RASSF7: variants seen among roughly 807,000 people sequenced by gnomAD.
RASSF7 encodes ras association domain-containing protein 7.
RASSF7 carries 41 observed loss-of-function variants against 33.8 expected under a neutral mutation model. The ratio of observed to expected loss-of-function variants is 1.21; its 90% CI spans 0.95 to 1.57. The LOEUF (loss-of-function observed/expected upper bound fraction) is 1.57. Among genes scored for constraint, RASSF7 ranks in the 40% most tolerant of loss-of-function variants. The pLI, the probability that RASSF7 is intolerant of heterozygous loss-of-function variation, is 0.00. For synonymous variants in RASSF7, 298 were observed against 212.8 expected, an observed-to-expected ratio of 1.40 and a Z score of -3.48; for missense variants, 622 against 497.0, an observed-to-expected ratio of 1.25 and a Z score of -2.39.
rs1267246371 is a variant in RASSF7 at position 562,515 on chromosome 11, AGAGG to A, written c.564_567del (p.Glu188AspfsTer8). On this transcript the variant is annotated frameshift_variant, in exon 3 of 6. Coordinates refer to ENST00000397583, the MANE Select transcript of RASSF7 (RefSeq NM_003475.4). LOFTEE classifies it high-confidence loss of function. ...TGCGCCGGGAGCAGGCCCGGGAGCG[AGAGG>A]GACAGGCACGCCTGCAGGCACTAAG... 6.5e-7 allele frequency: 1 copy of A among 1,549,460 alleles called. No homozygotes were observed. Among genetic ancestry groups the A allele is most frequent in the South Asian group, 1.2e-5 (1 of 84,056 alleles).
In RASSF7 at chr11:562,844, G is replaced by A. The variant is rs533702049; in HGVS notation, c.822+68G>A. The A allele has an allele frequency of 1.3e-4, 164 of 1,289,488 alleles. 3 individuals are homozygous for A. In the South Asian group the frequency reaches 2.3e-3, roughly 18 times the overall value. The allele number at this position is 1,289,488 out of a possible 1,614,324, so 79.9% of individuals were successfully genotyped here. Reference sequence around the variant, plus strand: ...ATATGGGCAGATACGGGGATCACAGGGTCCCACTCGGGAGGCAGGTGAGCC... The same window carrying A: ...ATATGGGCAGATACGGGGATCACAGAGTCCCACTCGGGAGGCAGGTGAGCC... On this transcript the variant is annotated intron_variant, in intron 3 of 5. Transcript: ENST00000397583.
In RASSF7 at chr11:561,344, G is replaced by T; in HGVS notation, c.-141G>T. Reference sequence around the variant, plus strand: ...AGTCTGCTCCATCTGCAGGGTCGAGGTCTGGGTTGCGACCCCGAGCGCCTC... The same window carrying T: ...AGTCTGCTCCATCTGCAGGGTCGAGTTCTGGGTTGCGACCCCGAGCGCCTC... On this transcript the variant is annotated 5_prime_UTR_variant, in exon 1 of 6. Transcript: ENST00000397583. 4 of 1,020,488 alleles carry T rather than the reference G, an allele frequency of 3.9e-6. No homozygotes were observed. Among genetic ancestry groups the T allele is most frequent in the Non-Finnish European group, 4.7e-6 (4 of 853,384 alleles). The allele number at this position is 1,020,488 out of a possible 1,614,324, so 63.2% of individuals were successfully genotyped here.
In RASSF7 at chr11:561,875, C is replaced by G. The variant is rs376525434; in HGVS notation, c.107C>G (p.Ala36Gly). The G allele has an allele frequency of 6.2e-6, 10 of 1,613,442 alleles. No individual in the cohort carries two copies. Among genetic ancestry groups the G allele is most frequent in the Non-Finnish European group, 6.8e-6 (8 of 1,179,988 alleles). Residue 36 changes from alanine (A) to glycine (G), a missense_variant, in exon 2 of 6, where the codon GCA becomes GGA. By Grantham distance (60) the Ala-to-Gly change is moderately conservative (BLOSUM62 0). Coordinates refer to ENST00000397583, the MANE Select transcript of RASSF7 (RefSeq NM_003475.4). ...ACCACCTGCCAGGAAGTGGTCATCG[C>G]ACTAGCCCAAGCAATAGGTGAGTCC... ...EQTTCQEVVI[A>G]LAQAIGQTGR...
chr11:562,225 C>G lies in RASSF7; in HGVS notation c.271C>G (p.Leu91Val). 1 of 1,611,422 alleles carries G rather than the reference C, an allele frequency of 6.2e-7. No individual in the cohort carries two copies. The highest frequency in any genetic ancestry group is 1.7e-5 in the Admixed American group (1 of 59,760). Reference protein sequence around the residue: ...QFVLRRTGPSLAGRPSSDSCP... With the variant: ...QFVLRRTGPSVAGRPSSDSCP... ...TGTCCTGAGGCGCACAGGGCCCAGCCTAGCTGGGAGGCCCTCCTCAGACAG... is the reference window on the plus strand; with the variant it reads ...TGTCCTGAGGCGCACAGGGCCCAGCGTAGCTGGGAGGCCCTCCTCAGACAG... The change falls in exon 3 of 6, where the codon CTA becomes GTA. Residue 91 changes from leucine (L) to valine (V), a missense_variant. By Grantham distance (32) the Leu-to-Val change is conservative. Coordinates refer to ENST00000397583, the MANE Select transcript of RASSF7 (RefSeq NM_003475.4).
At position 560,992 on chromosome 11, in the gene RASSF7, G is replaced by C; in HGVS notation, c.-493G>C. ...GCCGCGGCGCTGGGGGCGGCAGGTT[G>C]CGGCGGCGCCGGAGCGGGTCTCCAG... On this transcript the variant is annotated 5_prime_UTR_variant, in exon 1 of 6. Transcript: ENST00000397583. The C allele has an allele frequency of 9.5e-7, 1 of 1,057,520 alleles. No individual in the cohort carries two copies. The highest frequency in any genetic ancestry group is 6.8e-5 in the East Asian group (1 of 14,630). 65.5% of individuals were successfully genotyped at this position (1,057,520 alleles called of 1,614,324 possible). A position where few individuals can be genotyped will look rare whatever the true frequency, so the allele number is the denominator to read the frequency against.
At position 563,805 on chromosome 11, in the gene RASSF7, C is replaced by A. The variant is rs573424072; in HGVS notation, c.*160C>A. ...CCTAGTCCTTGCCAGGTCGCCAGCA[C>A]CCTGGAGAAGCATGGGGCGTAGCCA... On this transcript the variant is annotated 3_prime_UTR_variant, in exon 6 of 6. Transcript: ENST00000397583. The A allele has an allele frequency of 1.1e-4, 76 of 686,882 alleles. No individual in the cohort carries two copies. The highest frequency in any genetic ancestry group is 1.7e-4 in the Non-Finnish European group (72 of 416,270). The allele number at this position is 686,882 out of a possible 1,614,324, so 42.5% of individuals were successfully genotyped here.
At position 562,449 on chromosome 11, in the gene RASSF7, T is replaced by A. The variant is rs990988322; in HGVS notation, c.495T>A (p.Asn165Lys). The A allele has an allele frequency of 9.7e-6, 15 of 1,551,220 alleles. No homozygotes were observed. Among genetic ancestry groups the A allele is most frequent in the Non-Finnish European group, 1.2e-5 (14 of 1,147,200 alleles). The change falls in exon 3 of 6, where the codon AAT becomes AAA. Residue 165 changes from asparagine to lysine, a missense_variant. Transcript: ENST00000397583. ...LRGLELRVQR[N>K]AEELGHEAFW... ...GCCTGGAGCTCAGGGTGCAGAGGAA[T>A]GCTGAGGAGCTGGGCCATGAGGCCT...
chr11:563,677 C>G lies in RASSF7; in HGVS notation c.*32C>G. The G allele has an allele frequency of 6.4e-7, 1 of 1,566,592 alleles. No individual in the cohort carries two copies. The highest frequency in any genetic ancestry group is 1.1e-5 in the South Asian group (1 of 88,554). ...AGTGAGGGCTGCAAGACCATCCTGC[C>G]CGGACCACAGAAGGAGAGTTGGCGG... On this transcript the variant is annotated 3_prime_UTR_variant, in exon 6 of 6. Transcript: ENST00000397583.
At chr11:561,709 G>A (rs1853317682) in intron 1 of RASSF7, 53 bp from the exon 2 acceptor site, 2 of 1,607,992 alleles carry the variant, frequency 1.2e-6, no homozygotes, top group Admixed American at 1.7e-5. Context: ...AGGAGGACCA[G>A]CCTGCGATAG....
In RASSF7 at chr11:561,362, A is replaced by G. The variant is rs1467956316; in HGVS notation, c.-123A>G. The G allele has an allele frequency of 2.9e-6, 3 of 1,028,254 alleles. No individual in the cohort carries two copies. The highest frequency in any genetic ancestry group is 3.5e-6 in the Non-Finnish European group (3 of 858,720). The allele number at this position is 1,028,254 out of a possible 1,614,324, so 63.7% of individuals were successfully genotyped here. On this transcript the variant is annotated 5_prime_UTR_variant, in exon 1 of 6. Transcript: ENST00000397583. ...GGTCGAGGTCTGGGTTGCGACCCCG[A>G]GCGCCTCTGCGGCCTGAGCAGGTCG...
At position 561,477 on chromosome 11, in the gene RASSF7, G is replaced by A; in HGVS notation, c.-8G>A. On this transcript the variant is annotated splice_region_variant and 5_prime_UTR_variant, in exon 1 of 6. Transcript: ENST00000397583. ...GGAGGGGGCAGTGTCCTCCGAGCCA[G>A]GTGAGGCGAGTAGGAAATGCTGGAT... is the stretch of plus-strand genomic sequence containing the variant. 1 of 1,267,496 alleles carries A rather than the reference G, an allele frequency of 7.9e-7. No individual in the cohort carries two copies. Among genetic ancestry groups the A allele is most frequent in the Non-Finnish European group, 1.0e-6 (1 of 991,392 alleles). The allele number at this position is 1,267,496 out of a possible 1,614,324, so 78.5% of individuals were successfully genotyped here. A position where few individuals can be genotyped will look rare whatever the true frequency, so the allele number is the denominator to read the frequency against.
At position 561,304 on chromosome 11, in the gene RASSF7, G is replaced by C. The variant is rs988032006; in HGVS notation, c.-181G>C. The C allele has an allele frequency of 4.8e-5, 47 of 987,376 alleles. No individual in the cohort carries two copies. In the African/African-American group the frequency reaches 7.9e-4, roughly 17 times the overall value. 61.2% of individuals were successfully genotyped at this position (987,376 alleles called of 1,614,324 possible). A position where few individuals can be genotyped will look rare whatever the true frequency, so the allele number is the denominator to read the frequency against. On this transcript the variant is annotated 5_prime_UTR_variant, in exon 1 of 6. Coordinates refer to ENST00000397583, the MANE Select transcript of RASSF7 (RefSeq NM_003475.4). ...GGCGGGGCTCCCCGGGCTGGCGGGG[G>C]CTGCTCAGACCCGGAGTCTGCTCCA...
In RASSF7 at chr11:561,142, G is replaced by A; in HGVS notation, c.-343G>A. ...TTCCGCGATGCCCGGACGGAGAGCG[G>A]GGGCGGCGCCGCACCTGCGCCCGCC... On this transcript the variant is annotated 5_prime_UTR_variant, in exon 1 of 6. Transcript: ENST00000397583. The A allele has an allele frequency of 1.0e-6, 1 of 984,988 alleles. No homozygotes were observed. Among genetic ancestry groups the A allele is most frequent in the Non-Finnish European group, 1.2e-6 (1 of 829,820 alleles). The allele number at this position is 984,988 out of a possible 1,614,324, so 61.0% of individuals were successfully genotyped here. A position where few individuals can be genotyped will look rare whatever the true frequency, so the allele number is the denominator to read the frequency against.
Position 563,544 on chromosome 11 carries a change from G to A in RASSF7, c.1035-14G>A, listed in dbSNP as rs1166488570. 1.2e-6 allele frequency: 2 copies of A among 1,611,444 alleles called. No individual in the cohort carries two copies. The highest frequency in any genetic ancestry group is 1.7e-5 in the Admixed American group (1 of 59,938). ...CCTGTGGCTGCAGCCACCTCAGCCTGTGTCCTCCCGCAGTGGCCCCCATGA... is the reference window on the plus strand; with the variant it reads ...CCTGTGGCTGCAGCCACCTCAGCCTATGTCCTCCCGCAGTGGCCCCCATGA... On this transcript the variant is annotated splice_polypyrimidine_tract_variant and intron_variant, in intron 5 of 5. Transcript: ENST00000397583.
rs775980078 is a variant in RASSF7 at position 563,426 on chromosome 11, C to T, written c.982C>T (p.Leu328Phe). The change falls in exon 5 of 6, where the codon CTC becomes TTC. Residue 328 changes from leucine to phenylalanine, a missense_variant. Leu to Phe is a conservative substitution (Grantham distance 22). Transcript: ENST00000397583. ...TCTGCCTCCAGCCAGAGAGGAGTCC[C>T]TCCTGGGCGCTCCCTCTGAGTCCCA... ...GPLPPAREES[L>F]LGAPSESHAG... 1.2e-6 allele frequency: 2 copies of T among 1,611,978 alleles called. No individual in the cohort carries two copies. The highest frequency in any genetic ancestry group is 1.7e-5 in the Admixed American group (1 of 59,958).
At chr11:562,047 G>GA (rs2134119805) in intron 2 of RASSF7, 32 bp from the exon 3 acceptor site, 2 of 1,499,448 alleles carry the variant, frequency 1.3e-6, no homozygotes, top group South Asian at 2.6e-5. Flanking sequence ...GAGTCGGGGG[G>GA]ACATAGGCTG....
At position 561,434 on chromosome 11, in the gene RASSF7, C is replaced by T. The variant is rs1853295095; in HGVS notation, c.-51C>T. 8.7e-7 allele frequency: 1 copy of T among 1,150,664 alleles called. No individual in the cohort carries two copies. Among genetic ancestry groups the T allele is most frequent in the Non-Finnish European group, 1.1e-6 (1 of 931,066 alleles). 71.3% of individuals were successfully genotyped at this position (1,150,664 alleles called of 1,614,324 possible). On this transcript the variant is annotated 5_prime_UTR_variant, in exon 1 of 6. Coordinates refer to ENST00000397583, the MANE Select transcript of RASSF7 (RefSeq NM_003475.4). ...GCGGCCGCGGGGCCTGGCGTGCGGG[C>T]GCCTCCGCGCCGCCCGGGGAGGGGG...
At position 560,975 on chromosome 11, in the gene RASSF7, G is replaced by T. The variant is rs538961426; in HGVS notation, c.-510G>T. ...GCGCGGGGCCCGGGTGCGCCGCGGCGCTGGGGGCGGCAGGTTGCGGCGGCG... is the reference window on the plus strand; with the variant it reads ...GCGCGGGGCCCGGGTGCGCCGCGGCTCTGGGGGCGGCAGGTTGCGGCGGCG... On this transcript the variant is annotated 5_prime_UTR_variant, in exon 1 of 6. Coordinates refer to ENST00000397583, the MANE Select transcript of RASSF7 (RefSeq NM_003475.4). 2.1e-4 allele frequency: 231 copies of T among 1,095,814 alleles called. No individual in the cohort carries two copies. The African/African-American group carries it at 3.6e-3, about 17-fold the overall frequency. 67.9% of individuals were successfully genotyped at this position (1,095,814 alleles called of 1,614,324 possible). A position where few individuals can be genotyped will look rare whatever the true frequency, so the allele number is the denominator to read the frequency against.
In RASSF7 at chr11:562,695, T is replaced by C. The variant is rs1426235422; in HGVS notation, c.741T>C (p.Val247=). The change falls in exon 3 of 6, where the codon GTT becomes GTC. Residue 247 remains valine, a synonymous_variant. Transcript: ENST00000397583. ...AGCGCCTGCACCAGGACCTGGCTGTTCAGGAGCGGCAGAGTGCGGAGGTGC... is the reference window on the plus strand; with the variant it reads ...AGCGCCTGCACCAGGACCTGGCTGTCCAGGAGCGGCAGAGTGCGGAGGTGC... The part of the protein sequence containing the change: ...ATERLHQDLA[V]QERQSAEVQG... The C allele has an allele frequency of 1.0e-5, 16 of 1,543,444 alleles. No homozygotes were observed. The highest frequency in any genetic ancestry group is 2.0e-5 in the Admixed American group (1 of 51,002).
Sources: allele counts gnomAD v4.1 joint callset, GRCh38; gene constraint gnomAD v4.1.1; transcripts MANE v1.5; gene names NCBI Gene and HGNC (gene_info 2026-07-23, HGNC 2026-07-21).